Variants in ERBB4 observed in about 807,000 individuals in gnomAD.
The protein encoded by ERBB4 is erb-b2 receptor tyrosine kinase 4, also known as receptor tyrosine-protein kinase erbB-4.
ERBB4 carries 42 observed loss-of-function variants against 158.0 expected under a neutral mutation model. That is an observed-to-expected ratio of 0.27 (90% CI 0.21 to 0.34). The LOEUF (loss-of-function observed/expected upper bound fraction) is 0.34, where lower values mean the gene tolerates loss of function less well. Ranked by LOEUF, ERBB4 falls within the 10% of genes least tolerant of loss-of-function variation. The pLI, the probability that ERBB4 is intolerant of heterozygous loss-of-function variation, is 1.00. For missense variants in ERBB4, 1,333 were observed against 1,624.1 expected, an observed-to-expected ratio of 0.82 and a Z score of 3.08; for synonymous variants, 583 against 558.7, an observed-to-expected ratio of 1.04 and a Z score of -0.61.
chr2:211,905,742 GTGTATA>G (rs2079373916), intron 3 of ERBB4, among the ~76,000 whole-genome samples: 1 of 95,546 alleles, frequency 1.0e-5, no homozygotes, highest in Non-Finnish European at 2.5e-5. Flanking sequence ...GTGCATGTGT[GTGTATA>G]TATATATATA....
intron 1 of ERBB4, among the ~76,000 whole-genome samples, chr2:212,474,773 A>T (rs1689290321): frequency 6.6e-6 from 1 of 151,588 alleles, no homozygotes; most frequent in African/African-American, 2.4e-5. Context: ...ATCTTAAAAT[A>T]AACTTGCCAA....
At chr2:211,790,633 C>A (rs978856453) in intron 3 of ERBB4, among the ~76,000 whole-genome samples, 1 of 151,928 alleles carries the variant, frequency 6.6e-6, no homozygotes, top group Non-Finnish European at 1.5e-5. Flanking sequence ...TAATCTTACA[C>A]GTTAACATTT....
intron 1 of ERBB4, among the ~76,000 whole-genome samples, chr2:212,277,758 C>G (rs2085598658): frequency 6.6e-6 from 1 of 151,662 alleles, no homozygotes; most frequent in African/African-American, 2.4e-5. Flanking sequence ...TCTTTATATG[C>G]TGACACAGAT....
chr2:211,863,878 G>A (rs2078134556), intron 3 of ERBB4, among the ~76,000 whole-genome samples: 1 of 152,144 alleles, frequency 6.6e-6, no homozygotes, highest in Admixed American at 6.5e-5. Flanking sequence ...GTATTCAGTG[G>A]AAAAATTGAG....
intron 5 of ERBB4, among the ~76,000 whole-genome samples, chr2:211,747,459 A>G (rs1054289835): frequency 3.3e-5 from 5 of 152,150 alleles, no homozygotes; most frequent in Admixed American, 6.5e-5. Context: ...AGTGTCCCAT[A>G]AAACAAACAT....
chr2:212,084,546 T>C (rs2078544005), intron 2 of ERBB4, among the ~76,000 whole-genome samples: 1 of 151,960 alleles, frequency 6.6e-6, no homozygotes, highest in Admixed American at 6.6e-5. Context: ...ATTTCTGAAG[T>C]ACTAAAGAAC....
chr2:211,698,898 T>G (rs2073126401), intron 12 of ERBB4, among the ~76,000 whole-genome samples: 1 of 152,220 alleles, frequency 6.6e-6, no homozygotes, highest in Admixed American at 6.5e-5. Context: ...GCCCAAAATA[T>G]TCTAGCTTTT....
intron 1 of ERBB4, among the ~76,000 whole-genome samples, chr2:212,487,526 A>C (rs892531747): frequency 6.6e-6 from 1 of 151,728 alleles, no homozygotes; most frequent in Non-Finnish European, 1.5e-5. Flanking sequence ...AGAAATTAAC[A>C]TTTACTACAC....
rs35778743 is a variant in ERBB4, at chr2:211,725,261, T to C, written c.623-67A>G. 393,628 of 1,196,116 alleles carry C rather than the reference T, an allele frequency of 0.33. 70,777 individuals carry two copies. The highest frequency in any genetic ancestry group is 0.38 in the Non-Finnish European group (303,262 of 798,392). The allele number at this position is 1,196,116 out of a possible 1,614,324, so 74.1% of individuals were successfully genotyped here. A position where few individuals can be genotyped will look rare whatever the true frequency, so the allele number is the denominator to read the frequency against. Reference sequence around the variant, plus strand: ...CAGGAGAAACTCATAAGCTGAGTTCTGGAGTGACAATTTCTCACCCTGTCT... The same window carrying C: ...CAGGAGAAACTCATAAGCTGAGTTCCGGAGTGACAATTTCTCACCCTGTCT... On this transcript the variant is annotated intron_variant, in intron 5 of 27. Coordinates refer to ENST00000342788, the MANE Select transcript of ERBB4 (RefSeq NM_005235.3).
intron 3 of ERBB4, among the ~76,000 whole-genome samples, chr2:211,909,609 G>A (rs944828063): frequency 5.3e-5 from 8 of 151,796 alleles, no homozygotes; most frequent in Admixed American, 1.3e-4. Flanking sequence ...TGGTATAAAA[G>A]GTTACAAGTG....
chr2:212,019,774 A>G (rs1041759274), intron 2 of ERBB4, among the ~76,000 whole-genome samples: 25 of 150,468 alleles, frequency 1.7e-4, no homozygotes, highest in Non-Finnish European at 2.4e-4. Flanking sequence ...AAAAAAAAAA[A>G]AAGGAAAGAA....
intron 2 of ERBB4, among the ~76,000 whole-genome samples, chr2:212,057,632 A>T (rs2077622294): frequency 6.6e-6 from 1 of 152,240 alleles, no homozygotes; most frequent in African/African-American, 2.4e-5. Context: ...AAACTCCCTC[A>T]AAACTGCTCA....
chr2:211,782,659 T>C (rs1201497715), intron 4 of ERBB4, among the ~76,000 whole-genome samples: 1 of 152,148 alleles, frequency 6.6e-6, no homozygotes, highest in Non-Finnish European at 1.5e-5. Context: ...GATGGTGTAG[T>C]TCAGAGAATG....
intron 2 of ERBB4, among the ~76,000 whole-genome samples, chr2:212,086,849 C>T (rs1183895810): frequency 6.6e-6 from 1 of 151,938 alleles, no homozygotes; most frequent in African/African-American, 2.4e-5. Context: ...ATGCAAAGTA[C>T]ATGGGTAGGA....
At chr2:211,797,620 A>G (rs13388233) in intron 3 of ERBB4, among the ~76,000 whole-genome samples, 27,730 of 151,878 alleles carry the variant, frequency 0.18, 2,860 homozygotes, top group African/African-American at 0.27. Flanking sequence ...TTAAAAGGCT[A>G]TATTTGTGAA....
At chr2:212,083,661 A>T (rs2078513460) in intron 2 of ERBB4, among the ~76,000 whole-genome samples, 1 of 151,938 alleles carries the variant, frequency 6.6e-6, no homozygotes, top group African/African-American at 2.4e-5. Context: ...ACAATGCCAG[A>T]CAAACCTGGC....
At chr2:211,611,480 G>T (rs538958138) in intron 19 of ERBB4, among the ~76,000 whole-genome samples, 2 of 140,372 alleles carry the variant, frequency 1.4e-5, no homozygotes, top group South Asian at 2.3e-4. Flanking sequence ...CTTTAGGTCC[G>T]CACGTTGCTC....
At chr2:212,317,747 G>C (rs960847404) in intron 1 of ERBB4, among the ~76,000 whole-genome samples, 2 of 151,408 alleles carry the variant, frequency 1.3e-5, no homozygotes, top group Non-Finnish European at 3.0e-5. Context: ...AAAGCATACA[G>C]ATATAAAGTG....
intron 1 of ERBB4, among the ~76,000 whole-genome samples, chr2:212,382,733 T>G (rs2090549477): frequency 6.6e-6 from 1 of 151,322 alleles, no homozygotes; most frequent in South Asian, 2.1e-4. Flanking sequence ...TTATTACTTG[T>G]TTAATATAGA....
Sources: allele counts gnomAD v4.1 joint callset (sites outside exome capture counted in the v4.1 genomes callset), GRCh38; gene constraint gnomAD v4.1.1; transcripts MANE v1.5; gene names NCBI Gene and HGNC (gene_info 2026-07-23, HGNC 2026-07-21).